The following GSTT4 variants were observed in gnomAD, a reference collection of about 807,000 sequenced individuals.
GSTT4 encodes glutathione S-transferase theta-4.
chr22:23,997,423 G>T (rs1344781361), downstream of GSTT4, among the ~76,000 whole-genome samples: 1 of 151,860 alleles, frequency 6.6e-6, no homozygotes, highest in Admixed American at 6.6e-5. Flanking sequence ...AAGTCTCATT[G>T]TGTTACCCAG....
chr22:23,995,241 T>C (rs1017841933), downstream of GSTT4, among the ~76,000 whole-genome samples: 39 of 142,626 alleles, frequency 2.7e-4, no homozygotes, highest in African/African-American at 9.8e-4. Flanking sequence ...CAAGCGATTC[T>C]CCTGCCTCAG....
At chr22:23,996,024 A>T (rs2034112125), downstream of GSTT4, among the ~76,000 whole-genome samples, 1 of 150,254 alleles carries the variant, frequency 6.7e-6, no homozygotes, top group South Asian at 2.1e-4. Flanking sequence ...GCACACTGCA[A>T]CCTCCACCTC....
the GSTT4 span, among the ~76,000 whole-genome samples, chr22:23,990,518 A>G: frequency 4.2e-4 from 32 of 76,140 alleles, no homozygotes; most frequent in South Asian, 2.0e-3. Flanking sequence ...TATTCTACTT[A>G]GGAGGAGTAA....
intron 4 of GSTT4, among the ~76,000 whole-genome samples, chr22:23,999,837 C>T (rs1160656192): frequency 2.0e-5 from 3 of 151,810 alleles, no homozygotes; most frequent in Non-Finnish European, 4.4e-5. Flanking sequence ...TCCGGGTCCT[C>T]CCACACCGAA....
At chr22:24,002,309 G>A (rs2034248764) in intron 2 of GSTT4, among the ~76,000 whole-genome samples, 1 of 152,262 alleles carries the variant, frequency 6.6e-6, no homozygotes. Context: ...AGGTTGTGGT[G>A]TCTGGGAATG....
At chr22:23,989,739 C>T in the GSTT4 span, among the ~76,000 whole-genome samples, 2 of 151,038 alleles carry the variant, frequency 1.3e-5, no homozygotes, top group South Asian at 4.4e-4. Flanking sequence ...GCTCCCTCCC[C>T]ACTGGGGGTT....
downstream of GSTT4, among the ~76,000 whole-genome samples, chr22:23,993,762 C>A (rs568934554): frequency 6.6e-6 from 1 of 152,142 alleles, no homozygotes; most frequent in Admixed American, 6.5e-5. Context: ...GTTGAAGAAG[C>A]CAATCAGCTC....
intron 1 of GSTT4, 81 bp from the exon 2 acceptor site, chr22:24,003,928 C>T (rs2146235579): frequency 6.5e-6 from 1 of 154,110 alleles, no homozygotes; most frequent in East Asian, 1.9e-4. Flanking sequence ...AAACGCCTCC[C>T]TCTCTATTTT....
At chr22:24,000,769 A>C (rs370366122) in intron 3 of GSTT4, among the ~76,000 whole-genome samples, 2,600 of 124,740 alleles carry the variant, frequency 0.021, 95 homozygotes, top group Middle Eastern at 0.068. Flanking sequence ...CAATGTTGGC[A>C]AGGTAGGTCT....
At chr22:24,002,997 G>A (rs946605508) in intron 2 of GSTT4, among the ~76,000 whole-genome samples, 9 of 152,298 alleles carry the variant, frequency 5.9e-5, no homozygotes, top group Admixed American at 2.6e-4. Flanking sequence ...GTGATGCTAC[G>A]CTCTATCCTA....
At chr22:23,998,073 A>G (rs1362458185), downstream of GSTT4, among the ~76,000 whole-genome samples, 2 of 152,174 alleles carry the variant, frequency 1.3e-5, no homozygotes, top group African/African-American at 2.4e-5. Context: ...ACTTAGGACC[A>G]AATATATGCT....
chr22:24,003,999 A>T (rs1490156777), intron 1 of GSTT4, among the ~76,000 whole-genome samples, 152 bp from the exon 2 acceptor site: 1 of 152,288 alleles, frequency 6.6e-6, no homozygotes, highest in Non-Finnish European at 1.5e-5. Flanking sequence ...TCACAGGGCA[A>T]GGCAGTTGCA....
At chr22:23,993,960 C>T (rs1025774196), downstream of GSTT4, among the ~76,000 whole-genome samples, 1 of 152,204 alleles carries the variant, frequency 6.6e-6, no homozygotes, top group Non-Finnish European at 1.5e-5. Flanking sequence ...TAACTTTACA[C>T]CCAACAGTCA....
At chr22:24,002,588 T>G (rs893741156) in intron 2 of GSTT4, among the ~76,000 whole-genome samples, 13 of 38,310 alleles carry the variant, frequency 3.4e-4, no homozygotes, top group African/African-American at 8.1e-4. Context: ...CCCAGCACTC[T>G]GGGAGGCCGA....
chr22:23,989,589 C>G, the GSTT4 span, among the ~76,000 whole-genome samples: 3 of 148,440 alleles, frequency 2.0e-5, no homozygotes, highest in South Asian at 4.7e-4. Context: ...GCTGGGTGAC[C>G]TGTCAATACC....
intron 2 of GSTT4, among the ~76,000 whole-genome samples, chr22:24,003,394 G>C (rs970970248): frequency 5.3e-5 from 8 of 152,196 alleles, no homozygotes; most frequent in African/African-American, 1.7e-4. Flanking sequence ...ATTTTTTGTA[G>C]AGATGGGGTT....
intron 4 of GSTT4, among the ~76,000 whole-genome samples, chr22:23,999,535 C>A (rs1200550446): frequency 1.8e-5 from 2 of 113,656 alleles, no homozygotes; most frequent in African/African-American, 6.9e-5. Context: ...AGTTGAGACC[C>A]TGGCCAGTGT....
downstream of GSTT4, among the ~76,000 whole-genome samples, chr22:23,998,041 T>C (rs1337252064): frequency 2.0e-5 from 3 of 152,230 alleles, no homozygotes; most frequent in Non-Finnish European, 2.9e-5. Flanking sequence ...CTTTGTGTGA[T>C]TTCAATCATC....
intron 4 of GSTT4, among the ~76,000 whole-genome samples, chr22:23,999,249 T>G (rs928825530): frequency 0.023 from 2,119 of 91,206 alleles, no homozygotes; most frequent in Middle Eastern, 0.097. Context: ...AGAATGGGTG[T>G]GTGTGGGTGA....
Sources: gnomAD v4.1 joint callset for allele counts (sites outside exome capture counted in the v4.1 genomes callset) on GRCh38, gnomAD v4.1.1 for gene constraint, MANE v1.5 for transcripts, NCBI Gene and HGNC (gene_info 2026-07-23, HGNC 2026-07-21) for gene names.